The following ALK variants were observed in gnomAD, a reference collection of about 807,000 sequenced individuals.
ALK encodes the protein ALK tyrosine kinase receptor.
In ALK, 74 loss-of-function variants were observed where a neutral mutation model predicts 163.1. The observed-to-expected ratio is 0.45, with a 90% CI of 0.38 to 0.55. The LOEUF (loss-of-function observed/expected upper bound fraction) is 0.55, where lower values mean the gene tolerates loss of function less well. Ranked by LOEUF, ALK falls within the 20% of genes least tolerant of loss-of-function variation. The probability of loss-of-function intolerance (pLI) is 0.00; values close to 1 mark genes in which losing one functional copy is unlikely to be tolerated. For synonymous variants in ALK, 960 were observed against 843.2 expected (o/e 1.14, Z -2.40); for missense variants, 2,063 against 2,105.3 (o/e 0.98, Z 0.39).
chr2:29,289,510 G>A (rs377316312), intron 9 of ALK, among the ~76,000 whole-genome samples: 1 of 152,196 alleles, frequency 6.6e-6, no homozygotes, highest in Non-Finnish European at 1.5e-5. Context: ...AGCCCCTGTA[G>A]CTTCGGGAAG....
At chr2:29,507,353 T>C (rs1387957822) in intron 4 of ALK, among the ~76,000 whole-genome samples, 1 of 152,132 alleles carries the variant, frequency 6.6e-6, no homozygotes, top group African/African-American at 2.4e-5. Flanking sequence ...AGTATAGTGG[T>C]GGTTGCCTGG....
At chr2:29,641,562 G>GTAA (rs1558421835) in intron 3 of ALK, among the ~76,000 whole-genome samples, 2 of 151,972 alleles carry the variant, frequency 1.3e-5, no homozygotes, top group African/African-American at 4.8e-5. Flanking sequence ...ACTCATCTTG[G>GTAA]TAATAATAAT....
At chr2:29,837,180 A>C (rs989374602) in intron 1 of ALK, among the ~76,000 whole-genome samples, 2 of 152,206 alleles carry the variant, frequency 1.3e-5, no homozygotes, top group Non-Finnish European at 2.9e-5. Context: ...AATTTTCTGT[A>C]GGGAAACAGA....
chr2:29,835,618 T>C (rs1389942885), intron 1 of ALK, among the ~76,000 whole-genome samples: 2 of 152,228 alleles, frequency 1.3e-5, no homozygotes, highest in African/African-American at 2.4e-5. Context: ...GGTTTGCCTG[T>C]GTCCCCACTC....
At chr2:29,322,951 T>C (rs1159613329) in intron 6 of ALK, among the ~76,000 whole-genome samples, 1 of 152,200 alleles carries the variant, frequency 6.6e-6, no homozygotes, top group Non-Finnish European at 1.5e-5. Context: ...AGATGCACAG[T>C]ACGTCACTCC....
At chr2:29,813,058 G>C (rs1241293823) in intron 1 of ALK, among the ~76,000 whole-genome samples, 1 of 152,196 alleles carries the variant, frequency 6.6e-6, no homozygotes, top group Non-Finnish European at 1.5e-5. Context: ...GCTCCATTAA[G>C]AGATAAACTT....
chr2:29,620,273 C>G (rs1675991966), intron 3 of ALK, among the ~76,000 whole-genome samples: 1 of 152,074 alleles, frequency 6.6e-6, no homozygotes, highest in Non-Finnish European at 1.5e-5. Flanking sequence ...AGGATCCATT[C>G]CAGGCCCTTC....
chr2:29,755,970 C>T (rs1191669614), intron 1 of ALK, among the ~76,000 whole-genome samples: 4 of 152,184 alleles, frequency 2.6e-5, no homozygotes, highest in South Asian at 4.1e-4. Flanking sequence ...AGGAGGCTGC[C>T]GTTGGCCCAG....
At position 29,212,792 on chromosome 2, in the gene ALK, C is replaced by T. The variant is rs1558616450; in HGVS notation, c.3743+1192G>A. On this transcript the variant is annotated intron_variant, in intron 24 of 28. Transcript: ENST00000389048. Reference sequence around the variant, plus strand: ...CACGATCTCAGCTCACTGCAACCTCCACCTCCTGGGTTCAAGTGATTCTCC... The same window carrying T: ...CACGATCTCAGCTCACTGCAACCTCTACCTCCTGGGTTCAAGTGATTCTCC... Among the ~76,000 whole-genome samples the T allele has an allele frequency of 2.0e-5, 3 of 152,168 alleles. No homozygotes were observed. The South Asian group carries it at 6.2e-4, about 32-fold the overall frequency.
rs114664578 is a variant in ALK at position 29,779,940 on chromosome 2, T to C, written c.668-62243A>G. ...AAAGGGAACAAATGTATTACTTCAC[T>C]GACACCAGGAAACTGTCTTACATTT... On this transcript the variant is annotated intron_variant, in intron 1 of 28. Transcript: ENST00000389048. 3.6e-3 allele frequency among the ~76,000 whole-genome samples: 548 copies of C among 152,306 alleles called. 7 individuals carry two copies. The highest frequency in any genetic ancestry group is 0.012 in the African/African-American group (504 of 41,566).
At chr2:29,576,590 A>AGCAGGTCCTCTGGAGC (rs1489597398) in intron 3 of ALK, among the ~76,000 whole-genome samples, 1 of 152,134 alleles carries the variant, frequency 6.6e-6, no homozygotes, top group Non-Finnish European at 1.5e-5. Context: ...CAGCCATGCT[A>AGCAGGTCCTCTGGAGC]GCAGGTCCTC....
chr2:29,226,498 AAAAAGAG>A (rs1186489813), intron 18 of ALK, among the ~76,000 whole-genome samples: 9 of 149,596 alleles, frequency 6.0e-5, no homozygotes, highest in Non-Finnish European at 1.2e-4. Context: ...AAAAAAAAAA[AAAAAGAG>A]GAGGAGAATG....
intron 3 of ALK, among the ~76,000 whole-genome samples, chr2:29,693,136 G>A (rs1214520590): frequency 3.9e-5 from 6 of 152,088 alleles, no homozygotes; most frequent in Non-Finnish European, 5.9e-5. Flanking sequence ...TGGGATACAG[G>A]AAACTCCAAA....
At chr2:29,528,622 A>T (rs1402393080) in intron 4 of ALK, among the ~76,000 whole-genome samples, 1 of 152,134 alleles carries the variant, frequency 6.6e-6, no homozygotes, top group Non-Finnish European at 1.5e-5. Flanking sequence ...CCTGCCACAC[A>T]AGAGGCACTC....
chr2:29,608,640 T>C (rs954358300), intron 3 of ALK, among the ~76,000 whole-genome samples: 1 of 152,232 alleles, frequency 6.6e-6, no homozygotes, highest in Non-Finnish European at 1.5e-5. Context: ...GAATGGACGA[T>C]GCTTGCTCCT....
At position 29,759,444 on chromosome 2, in the gene ALK, C is replaced by T. The variant is rs140631334; in HGVS notation, c.668-41747G>A. Reference sequence around the variant, plus strand: ...GCATGTGTGTGTGCATGTGTGCGTGCGTGCGTGTGTGCAAAAGTAAGTGGA... The same window carrying T: ...GCATGTGTGTGTGCATGTGTGCGTGTGTGCGTGTGTGCAAAAGTAAGTGGA... On this transcript the variant is annotated intron_variant, in intron 1 of 28. Transcript: ENST00000389048. Among the ~76,000 whole-genome samples the T allele has an allele frequency of 8.6e-4, 131 of 152,160 alleles. 1 individual carries two copies. The highest frequency in any genetic ancestry group is 1.3e-3 in the Non-Finnish European group (88 of 67,988).
chr2:29,801,116 G>A (rs1391546077), intron 1 of ALK, among the ~76,000 whole-genome samples: 1 of 152,170 alleles, frequency 6.6e-6, no homozygotes, highest in Non-Finnish European at 1.5e-5. Flanking sequence ...GGAAGACCAT[G>A]AGGCCCAGGA....
At chr2:29,577,510 G>C (rs1478749663) in intron 3 of ALK, among the ~76,000 whole-genome samples, 2 of 152,166 alleles carry the variant, frequency 1.3e-5, no homozygotes, top group Non-Finnish European at 2.9e-5. Context: ...GGAAGGGATG[G>C]GACCGGTAAG....
intron 3 of ALK, among the ~76,000 whole-genome samples, chr2:29,615,035 T>C (rs1435481215): frequency 2.6e-5 from 4 of 152,088 alleles, no homozygotes; most frequent in Non-Finnish European, 5.9e-5. Context: ...CCCAGGCTGG[T>C]CTTGAACTCC....
Sources: gnomAD v4.1 joint callset for allele counts (sites outside exome capture counted in the v4.1 genomes callset) on GRCh38, gnomAD v4.1.1 for gene constraint, MANE v1.5 for transcripts, NCBI Gene and HGNC (gene_info 2026-07-23, HGNC 2026-07-21) for gene names.